The following USP9X variants were observed in gnomAD, a reference collection of about 807,000 sequenced individuals.
The protein encoded by USP9X is ubiquitin carboxyl-terminal hydrolase 9X.
Under a neutral mutation model 190.3 loss-of-function variants are expected in USP9X, and 7 were observed. That is an observed-to-expected ratio of 0.04 (90% confidence interval 0.02 to 0.07). USP9X has a LOEUF of 0.07. Ranked by LOEUF, USP9X falls within the 10% of genes least tolerant of loss-of-function variation. USP9X has a pLI of 1.00. For synonymous variants in USP9X, 645 were observed against 659.5 expected, an observed-to-expected ratio of 0.98 and a Z score of 0.34; for missense variants, 1,010 against 1,916.9, an observed-to-expected ratio of 0.53 and a Z score of 8.83.
chrX:41,092,520 C>G (rs1403460558), intron 1 of USP9X, among the ~76,000 whole-genome samples: 3 of 111,398 alleles, frequency 2.7e-5, no homozygotes, highest in Non-Finnish European at 5.6e-5. Context: ...CTCTGGAGTT[C>G]AGAGCACAGG....
intron 4 of USP9X, among the ~76,000 whole-genome samples, 155 bp from the exon 5 acceptor site, chrX:41,134,570 T>C (rs2062354795): frequency 8.9e-6 from 1 of 112,839 alleles, no homozygotes; most frequent in Non-Finnish European, 1.9e-5. Flanking sequence ...CAGTTAGTGT[T>C]AATATTACTC....
In USP9X at chrX:41,102,996, A is replaced by G. The variant is rs895759549; in HGVS notation, c.-159+16887A>G. 2.7e-5 allele frequency among the ~76,000 whole-genome samples: 3 copies of G among 110,420 alleles called. No homozygotes were observed. The Admixed American group carries it at 2.9e-4, about 11-fold the overall frequency. ...TTTAGTAGAGACAGGGTTTCGCCAT[A>G]TTGGCCAGGCTAGTCTTGAACTCCT... On this transcript the variant is annotated intron_variant, in intron 1 of 44. Transcript: ENST00000378308.
intron 40 of USP9X, 35 bp downstream of exon 40, chrX:41,224,997 T>G: frequency 1.7e-6 from 2 of 1,208,185 alleles, no homozygotes; most frequent in Non-Finnish European, 2.2e-6. Flanking sequence ...GTTTATAATT[T>G]GATTTGTTAT....
rs2062379641 is a variant in USP9X, at chrX:41,136,996, C to T, written c.628C>T (p.Arg210Cys). ...VQLPEDELFA[R>C]SPDPRSPKGW... ...GTTGCCTGAAGATGAACTCTTTGCTCGTTCTCCAGATCCTCGATCACCAAA... is the reference window on the plus strand; with the variant it reads ...GTTGCCTGAAGATGAACTCTTTGCTTGTTCTCCAGATCCTCGATCACCAAA... Residue 210 changes from arginine to cysteine, a missense_variant, in exon 6 of 45, where the codon CGT becomes TGT. Physicochemically the swap from Arg to Cys is radical, Grantham distance 180. Around this residue, in one of 11 missense-constraint regions of USP9X, gnomAD observed 176 missense variants for 247.5 expected, o/e 0.71. Coordinates refer to ENST00000378308, the MANE Select transcript of USP9X (RefSeq NM_001039591.3). The T allele has an allele frequency of 3.3e-6, 4 of 1,209,541 alleles. No individual in the cohort carries two copies. Among genetic ancestry groups the T allele is most frequent in the African/African-American group, 1.7e-5 (1 of 57,201 alleles).
intron 15 of USP9X, among the ~76,000 whole-genome samples, chrX:41,163,846 G>C (rs2062655484): frequency 9.0e-6 from 1 of 110,527 alleles, no homozygotes; most frequent in African/African-American, 3.3e-5. Context: ...GAAATGCCCA[G>C]ATTATCACTG....
At chrX:41,086,595 A>G (rs1252741252) in intron 1 of USP9X, among the ~76,000 whole-genome samples, 1 of 111,918 alleles carries the variant, frequency 8.9e-6, no homozygotes, top group East Asian at 2.8e-4. Context: ...GGCCTCGGCT[A>G]CGCCTGGCTA....
intron 31 of USP9X, among the ~76,000 whole-genome samples, chrX:41,204,455 C>T (rs1475604430): frequency 9.4e-6 from 1 of 105,898 alleles, no homozygotes; most frequent in Non-Finnish European, 1.9e-5. Flanking sequence ...TTAGCTCTTA[C>T]ATTTAGGATT....
chrX:41,102,182 A>G (rs1382985392), intron 1 of USP9X, among the ~76,000 whole-genome samples: 2 of 112,303 alleles, frequency 1.8e-5, no homozygotes, highest in African/African-American at 3.2e-5. Context: ...AAAAACTTAA[A>G]TATAATTTAT....
chrX:41,153,225 C>A, intron 14 of USP9X, 144 bp downstream of exon 14: 1 of 534,952 alleles, frequency 1.9e-6, no homozygotes, highest in Non-Finnish European at 2.6e-6. Flanking sequence ...AACTCTAGGC[C>A]AGCAGTTTAA....
chrX:41,196,013 C>T, intron 26 of USP9X: 1 of 487,598 alleles, frequency 2.1e-6, no homozygotes, highest in South Asian at 2.5e-5. Context: ...AAGGTGGTAT[C>T]CCTCAAACTC....
intron 30 of USP9X, 42 bp from the exon 31 acceptor site, chrX:41,201,018 G>C: frequency 8.6e-7 from 1 of 1,169,057 alleles, no homozygotes; most frequent in Non-Finnish European, 1.2e-6. Flanking sequence ...TGAAAGGACA[G>C]AATGGCCGTG....
rs1245135208 is a variant in USP9X, at chrX:41,234,879, A to AT, written c.*2358dup. On this transcript the variant is annotated 3_prime_UTR_variant, in exon 45 of 45. Transcript: ENST00000378308. The stretch of plus-strand genomic sequence containing the variant: ...CTGGCCCCAGTTGATAGTTTTTTTA[A>AT]TTTAAAAGTTCCTCAATTCCAAGCT... 2 of 111,818 alleles carry AT rather than the reference A, an allele frequency of 1.8e-5. No individual in the cohort carries two copies. The highest frequency in any genetic ancestry group is 3.8e-5 in the Non-Finnish European group (2 of 53,107). The allele number at this position is 111,818 out of a possible 1,213,427, so 9.2% of individuals were successfully genotyped here.
chrX:41,195,815 C>T, intron 26 of USP9X: 1 of 288,800 alleles, frequency 3.5e-6, no homozygotes, highest in Non-Finnish European at 6.6e-6. Flanking sequence ...TTTGGGGACC[C>T]CTGGTGTAAG....
intron 21 of USP9X, among the ~76,000 whole-genome samples, chrX:41,181,001 C>T (rs991019101): frequency 1.8e-5 from 2 of 111,388 alleles, no homozygotes; most frequent in Non-Finnish European, 3.8e-5. Flanking sequence ...AATGATCACC[C>T]AAATGTTACA....
chrX:41,192,007 G>C (rs1468161322), intron 26 of USP9X, among the ~76,000 whole-genome samples: 1 of 110,943 alleles, frequency 9.0e-6, no homozygotes, highest in Non-Finnish European at 1.9e-5. Context: ...TCCTCCTCAT[G>C]GTCTACCCTG....
intron 29 of USP9X, among the ~76,000 whole-genome samples, chrX:41,197,724 T>C (rs2062998864): frequency 8.9e-6 from 1 of 111,781 alleles, no homozygotes; most frequent in African/African-American, 3.3e-5. Flanking sequence ...AAATAAGATT[T>C]CATGGCTGGA....
At chrX:41,207,056 G>A (rs1220751216) in intron 32 of USP9X, among the ~76,000 whole-genome samples, 2 of 100,068 alleles carry the variant, frequency 2.0e-5, no homozygotes, top group Non-Finnish European at 4.0e-5. Context: ...CTGGATTATA[G>A]GCATGAGCTA....
At chrX:41,098,429 C>T (rs2062009017) in intron 1 of USP9X, among the ~76,000 whole-genome samples, 2 of 111,288 alleles carry the variant, frequency 1.8e-5, no homozygotes, top group African/African-American at 6.5e-5. Context: ...CGTGAGCCAC[C>T]GTGCCCAGCC....
intron 33 of USP9X, among the ~76,000 whole-genome samples, chrX:41,212,603 A>T (rs2063176587): frequency 8.9e-6 from 1 of 111,972 alleles, no homozygotes; most frequent in Non-Finnish European, 1.9e-5. Flanking sequence ...ATAAATATAC[A>T]TGCCTGTCAT....
Sources: gnomAD v4.1 joint callset for allele counts (sites outside exome capture counted in the v4.1 genomes callset) on GRCh38, gnomAD v4.1.1 for gene constraint, gnomAD v4.1.1 regional missense constraint, MANE v1.5 for transcripts, NCBI Gene and HGNC (gene_info 2026-07-23, HGNC 2026-07-21) for gene names.